CDK5RAP1: variants seen among roughly 807,000 people sequenced by gnomAD.
CDK5RAP1 encodes the protein mitochondrial tRNA methylthiotransferase CDK5RAP1.
Under a neutral mutation model 64.5 loss-of-function variants are expected in CDK5RAP1, and 62 were observed. That is an observed-to-expected ratio of 0.96 (90% CI 0.78 to 1.19). The LOEUF (loss-of-function observed/expected upper bound fraction) is 1.19, where lower values mean the gene tolerates loss of function less well. Among genes scored for constraint, CDK5RAP1 ranks in the 50% most tolerant of loss-of-function variants. The pLI, the probability that CDK5RAP1 is intolerant of heterozygous loss-of-function variation, is 0.00. For synonymous variants in CDK5RAP1, 250 were observed against 261.9 expected, an observed-to-expected ratio of 0.95 and a Z score of 0.44; for missense variants, 657 against 735.0, an observed-to-expected ratio of 0.89 and a Z score of 1.23.
chr20:33,370,484 A>C lies in CDK5RAP1; in HGVS notation c.1392+15T>G. On this transcript the variant is annotated intron_variant, in intron 11 of 13. Coordinates refer to ENST00000346416, the MANE Select transcript of CDK5RAP1 (RefSeq NM_016408.4). ...GTCAGGAATGATGTCAGTCCTCCCC[A>C]ACCCCAGGGCTCACCTGTCTCATGC... 3.7e-6 allele frequency: 6 copies of C among 1,613,790 alleles called. No individual in the cohort carries two copies. Among genetic ancestry groups the C allele is most frequent in the Non-Finnish European group, 5.1e-6 (6 of 1,179,874 alleles).
At chr20:33,388,449 A>G (rs1247175052) in intron 5 of CDK5RAP1, among the ~76,000 whole-genome samples, 2 of 152,076 alleles carry the variant, frequency 1.3e-5, no homozygotes, top group African/African-American at 4.8e-5. Context: ...AGTGTCTATT[A>G]ATGAATGAAG....
At chr20:33,382,959 T>A (rs1986956542) in intron 7 of CDK5RAP1, among the ~76,000 whole-genome samples, 2 of 151,724 alleles carry the variant, frequency 1.3e-5, no homozygotes, top group African/African-American at 4.8e-5. Flanking sequence ...GCCGGGTGAA[T>A]CACCTGAGGT....
chr20:33,363,776 T>C (rs910370864), intron 12 of CDK5RAP1, among the ~76,000 whole-genome samples: 3 of 152,024 alleles, frequency 2.0e-5, no homozygotes, highest in Non-Finnish European at 2.9e-5. Context: ...GTACACATTA[T>C]AGTACCAGCT....
At chr20:33,400,512 C>T (rs1253475341) in intron 1 of CDK5RAP1, among the ~76,000 whole-genome samples, 1 of 152,154 alleles carries the variant, frequency 6.6e-6, no homozygotes, top group Admixed American at 6.6e-5. Flanking sequence ...CAGCACCTAC[C>T]ACCCCATAAG....
At chr20:33,367,859 A>G (rs1257771814) in intron 11 of CDK5RAP1, among the ~76,000 whole-genome samples, 1 of 152,244 alleles carries the variant, frequency 6.6e-6, no homozygotes, top group Non-Finnish European at 1.5e-5. Context: ...AATAAAAGGA[A>G]TATCTATATA....
chr20:33,384,881 GAC>G (rs1451135945), intron 7 of CDK5RAP1, among the ~76,000 whole-genome samples: 1 of 152,170 alleles, frequency 6.6e-6, no homozygotes, highest in Non-Finnish European at 1.5e-5. Context: ...CAGCTTGGGT[GAC>G]AGAGTGAAAG....
Position 33,392,200 on chromosome 20 carries a change from A to G in CDK5RAP1, c.486T>C (p.Leu162=), listed in dbSNP as rs1254336363. 6.2e-7 allele frequency: 1 copy of G among 1,614,034 alleles called. No individual in the cohort carries two copies. The highest frequency in any genetic ancestry group is 2.2e-5 in the East Asian group (1 of 44,884). The change falls in exon 5 of 14, where the codon CTT becomes CTC. Residue 162 remains leucine, a synonymous_variant. Coordinates refer to ENST00000346416, the MANE Select transcript of CDK5RAP1 (RefSeq NM_016408.4). ...EQTIWNRLHQ[L]KALKTRRPRS... ...GGGGCCGCCTTGTCTTCAAGGCTTT[A>G]AGCTGATGTAAACGGTTCCAGATGG...
intron 11 of CDK5RAP1, 51 bp from the exon 12 acceptor site, chr20:33,367,059 G>C (rs373592092): frequency 2.6e-6 from 4 of 1,554,482 alleles, no homozygotes; most frequent in Non-Finnish European, 3.5e-6. Flanking sequence ...AGGACTTGTA[G>C]AATCTATTCT....
rs1262857292 is a variant in CDK5RAP1, at chr20:33,366,981, C to T, written c.1420G>A (p.Asp474Asn). The T allele has an allele frequency of 6.2e-7, 1 of 1,613,326 alleles. No homozygotes were observed. Among genetic ancestry groups the T allele is most frequent in the Non-Finnish European group, 8.5e-7 (1 of 1,179,784 alleles). ...QKTRAYHRLK[D>N]DVPEEVKLRR... Reference sequence around the variant, plus strand: ...AATTTTACCTCTTCCGGGACATCATCCTTCAGCCTATGATATGCCCGTGTC... The same window carrying T: ...AATTTTACCTCTTCCGGGACATCATTCTTCAGCCTATGATATGCCCGTGTC... Residue 474 changes from aspartate (D) to asparagine (N), a missense_variant, in exon 12 of 14, where the codon GAT (aspartate) becomes AAT (asparagine). Coordinates refer to ENST00000346416, the MANE Select transcript of CDK5RAP1 (RefSeq NM_016408.4).
rs111380665 is a variant in CDK5RAP1 at position 33,366,438 on chromosome 20, G to A, written c.1542+421C>T. 4.6e-3 allele frequency among the ~76,000 whole-genome samples: 608 copies of A among 131,702 alleles called. 7 individuals are homozygous for A. Among genetic ancestry groups the A allele is most frequent in the African/African-American group, 0.015 (569 of 38,442 alleles). The allele number at this position is 131,702 out of a possible 152,430, so 86.4% of individuals were successfully genotyped here. ...AGCCTGGCCAACATGATGAAACCCC[G>A]TCTCTACTAAAAAAAATACAAAAAT... On this transcript the variant is annotated intron_variant, in intron 12 of 13. Coordinates refer to ENST00000346416, the MANE Select transcript of CDK5RAP1 (RefSeq NM_016408.4).
intron 7 of CDK5RAP1, among the ~76,000 whole-genome samples, chr20:33,383,708 T>G (rs1201783734): frequency 7.5e-6 from 1 of 132,990 alleles, no homozygotes; most frequent in Non-Finnish European, 1.5e-5. Context: ...ACCATTGCAC[T>G]CCAGCCTGGG....
rs1982713978 is a variant in CDK5RAP1, at chr20:33,360,497, G to A, written c.1543-6C>T. 6.2e-7 allele frequency: 1 copy of A among 1,605,974 alleles called. No individual in the cohort carries two copies. Among genetic ancestry groups the A allele is most frequent in the Non-Finnish European group, 8.5e-7 (1 of 1,177,208 alleles). On this transcript the variant is annotated splice_region_variant and splice_polypyrimidine_tract_variant and intron_variant, in intron 12 of 13. Coordinates refer to ENST00000346416, the MANE Select transcript of CDK5RAP1 (RefSeq NM_016408.4). ...GTGGCAGAGCGTTTACTGAGCTGCA[G>A]AAAGAAGAGAGAAGAGTTCGTGGAT...
intron 13 of CDK5RAP1, chr20:33,359,702 C>T (rs539874603): frequency 1.3e-5 from 2 of 156,120 alleles, no homozygotes; most frequent in South Asian, 1.9e-4. Flanking sequence ...CTTAAAGGAA[C>T]TTCTGTGGAT....
chr20:33,383,885 CA>C (rs988796483), intron 7 of CDK5RAP1, among the ~76,000 whole-genome samples: 2 of 146,946 alleles, frequency 1.4e-5, no homozygotes, highest in African/African-American at 2.5e-5. Context: ...ACACTCCAGC[CA>C]AAAAAAAATA....
At chr20:33,373,160 G>GTGTGTGTC (rs1568692553) in intron 9 of CDK5RAP1, 1 of 165,560 alleles carries the variant, frequency 6.0e-6, no homozygotes, top group Non-Finnish European at 1.3e-5. Context: ...GTGTGTGTGT[G>GTGTGTGTC]TGTGTGTGTG....
chr20:33,401,559 G>C, upstream of CDK5RAP1: 1 of 984,308 alleles, frequency 1.0e-6, no homozygotes, highest in South Asian at 4.7e-5. Context: ...GCCGGGTCAT[G>C]CTAACGGAAG....
At chr20:33,362,429 T>C (rs1983105480) in intron 12 of CDK5RAP1, among the ~76,000 whole-genome samples, 1 of 152,090 alleles carries the variant, frequency 6.6e-6, no homozygotes, top group Admixed American at 6.6e-5. Context: ...AAAGATCTTT[T>C]CAGACAAACA....
chr20:33,401,514 A>G lies in CDK5RAP1; in HGVS notation c.-107T>C, dbSNP rs1308076016. 2 of 985,166 alleles carry G rather than the reference A, an allele frequency of 2.0e-6. No individual in the cohort carries two copies. Among genetic ancestry groups the G allele is most frequent in the South Asian group, 4.7e-5 (1 of 21,292 alleles). The allele number at this position is 985,166 out of a possible 1,614,324, so 61.0% of individuals were successfully genotyped here. A position where few individuals can be genotyped will look rare whatever the true frequency, so the allele number is the denominator to read the frequency against. On this transcript the variant is annotated 5_prime_UTR_variant, in exon 1 of 14. It removes an upstream start codon present in the reference 5' UTR. Transcript: ENST00000346416. ...CCCTCACAGGTCCGCCGCTGCGTTC[A>G]TACACAAGCGACTTCCGTTCCGCCG...
rs1404446123 is a variant in CDK5RAP1 at position 33,389,081 on chromosome 20, G to A, written c.545-1548C>T. Among the ~76,000 whole-genome samples, 94 of 152,118 alleles carry A rather than the reference G, an allele frequency of 6.2e-4. 3 individuals carry two copies. The South Asian group carries it at 0.016, about 27-fold the overall frequency. On this transcript the variant is annotated intron_variant, in intron 5 of 13. Coordinates refer to ENST00000346416, the MANE Select transcript of CDK5RAP1 (RefSeq NM_016408.4). ...AAGTGAGGAGCATCTCTGCCTGGCC[G>A]CCCATCGTCTGGGATGTGAGGAGCC...
Sources: gnomAD v4.1 joint callset for allele counts (sites outside exome capture counted in the v4.1 genomes callset) on GRCh38, gnomAD v4.1.1 for gene constraint, MANE v1.5 for transcripts, NCBI Gene and HGNC (gene_info 2026-07-23, HGNC 2026-07-21) for gene names.